The following DDHD1 variants were observed in gnomAD, a reference collection of about 807,000 sequenced individuals.
DDHD1 encodes phospholipase DDHD1.
A neutral mutation model predicts 96.4 loss-of-function variants in DDHD1; 49 were observed. That is an observed-to-expected ratio of 0.51 (90% CI 0.40 to 0.64). DDHD1 has a LOEUF of 0.64. Among genes scored for constraint, DDHD1 ranks in the 30% least tolerant of loss-of-function variants. DDHD1 has a pLI of 0.00. For missense variants in DDHD1, 1,106 were observed against 1,161.2 expected (o/e 0.95, Z 0.69); for synonymous variants, 442 against 446.5 (o/e 0.99, Z 0.13).
chr14:53,140,571 AC>A (rs1299687183), intron 1 of DDHD1, among the ~76,000 whole-genome samples: 1 of 152,196 alleles, frequency 6.6e-6, no homozygotes, highest in African/African-American at 2.4e-5. Context: ...GAGAACACAA[AC>A]CTAGACAAAT....
rs2139780660 is a variant in DDHD1, at chr14:53,038,880, C to G, written c.*7888G>C. 6.6e-6 allele frequency: 1 copy of G among 152,296 alleles called. No individual in the cohort carries two copies. Among genetic ancestry groups the G allele is most frequent in the South Asian group, 2.1e-4 (1 of 4,826 alleles). The allele number at this position is 152,296 out of a possible 1,614,324, so 9.4% of individuals were successfully genotyped here. On this transcript the variant is annotated 3_prime_UTR_variant, in exon 13 of 13. Coordinates refer to ENST00000673822, the MANE Select transcript of DDHD1 (RefSeq NM_001160148.2). The stretch of plus-strand genomic sequence containing the variant: ...CACAATAGAGAACACAGAAATAAAG[C>G]TGCACACCTACAGCCAATAGATCTT...
Position 53,072,656 on chromosome 14 carries a change from T to C in DDHD1, c.1444A>G (p.Met482Val), listed in dbSNP as rs1029025313. ...ATGTCCATTGCACTGCTGTTCAGCA[T>C]ATCCCTTAAACCTCGTACTTTGTCA... ...TPDKVRGLRD[M>V]LNSSAMDIMY... The change falls in exon 6 of 13, where the codon ATG becomes GTG. Residue 482 changes from methionine to valine, a missense_variant. Around this residue, in one of 2 missense-constraint regions of DDHD1, gnomAD observed 650 missense variants for 758.8 expected, o/e 0.86. Coordinates refer to ENST00000673822, the MANE Select transcript of DDHD1 (RefSeq NM_001160148.2). 6.2e-7 allele frequency: 1 copy of C among 1,611,020 alleles called. No homozygotes were observed. The highest frequency in any genetic ancestry group is 8.5e-7 in the Non-Finnish European group (1 of 1,177,978).
At chr14:53,099,853 T>C (rs1259066247) in intron 2 of DDHD1, among the ~76,000 whole-genome samples, 3 of 152,220 alleles carry the variant, frequency 2.0e-5, no homozygotes, top group Non-Finnish European at 4.4e-5. Flanking sequence ...GATTAAAGTA[T>C]CTAAATCACA....
chr14:53,145,515 A>G (rs1890921467), intron 1 of DDHD1, among the ~76,000 whole-genome samples: 1 of 151,764 alleles, frequency 6.6e-6, no homozygotes, highest in Non-Finnish European at 1.5e-5. Flanking sequence ...AAAAAAAAAA[A>G]AAAAAAAAAA....
chr14:53,083,607 A>C (rs1437250401), intron 4 of DDHD1, among the ~76,000 whole-genome samples: 1 of 152,334 alleles, frequency 6.6e-6, no homozygotes, highest in East Asian at 1.9e-4. Context: ...GGAATCTAAG[A>C]CATGATTTAA....
intron 1 of DDHD1, among the ~76,000 whole-genome samples, chr14:53,124,983 G>A (rs1162177176): frequency 6.6e-6 from 1 of 152,094 alleles, no homozygotes; most frequent in African/African-American, 2.4e-5. Context: ...GTGTGGGTGT[G>A]TGGGTGTGTC....
intron 6 of DDHD1, among the ~76,000 whole-genome samples, chr14:53,070,640 T>C (rs958474163): frequency 6.6e-6 from 1 of 152,182 alleles, no homozygotes; most frequent in Non-Finnish European, 1.5e-5. Flanking sequence ...CAAATCTATG[T>C]CATTTTACTA....
At chr14:53,130,785 G>A (rs766023700) in intron 1 of DDHD1, among the ~76,000 whole-genome samples, 6 of 152,166 alleles carry the variant, frequency 3.9e-5, no homozygotes, top group African/African-American at 1.4e-4. Context: ...CAACTTGCCC[G>A]GCAGCCACTC....
chr14:53,066,607 G>T (rs1312269116), intron 6 of DDHD1, among the ~76,000 whole-genome samples: 1 of 152,076 alleles, frequency 6.6e-6, no homozygotes, highest in Non-Finnish European at 1.5e-5. Context: ...ATTTATCCTA[G>T]AATATTGCCT....
At chr14:53,088,706 C>T (rs976439145) in intron 4 of DDHD1, among the ~76,000 whole-genome samples, 1 of 152,156 alleles carries the variant, frequency 6.6e-6, no homozygotes, top group Non-Finnish European at 1.5e-5. Context: ...AAAACCACAG[C>T]CAATATCATA....
At chr14:53,116,776 G>T (rs1471666910) in intron 1 of DDHD1, among the ~76,000 whole-genome samples, 1 of 152,152 alleles carries the variant, frequency 6.6e-6, no homozygotes, top group Non-Finnish European at 1.5e-5. Context: ...AAGCAAGAAA[G>T]ACAGAAAACC....
chr14:53,129,921 C>T (rs1193369409), intron 1 of DDHD1, among the ~76,000 whole-genome samples: 3 of 152,184 alleles, frequency 2.0e-5, no homozygotes, highest in Non-Finnish European at 4.4e-5. Flanking sequence ...GTCTGAGGTG[C>T]CCGACGTCCA....
At chr14:53,121,184 T>C (rs1173741667) in intron 1 of DDHD1, among the ~76,000 whole-genome samples, 1 of 152,044 alleles carries the variant, frequency 6.6e-6, no homozygotes, top group Non-Finnish European at 1.5e-5. Context: ...GAAAAAAAAG[T>C]TCATCATCAC....
rs561589350 is a variant in DDHD1, at chr14:53,079,655, G to A, written c.1290-5808C>T. ...TTTTAGTAATTTGAATCTTTTTCTC[G>A]TTTGGTCTAGTTAAAATGTTCTCAA... On this transcript the variant is annotated intron_variant, in intron 4 of 12. Transcript: ENST00000673822. Among the ~76,000 whole-genome samples, 37 of 151,820 alleles carry A rather than the reference G, an allele frequency of 2.4e-4. No individual in the cohort carries two copies. In the East Asian group the frequency reaches 4.2e-3, roughly 17 times the overall value.
At chr14:53,134,068 G>T (rs192711194) in intron 1 of DDHD1, among the ~76,000 whole-genome samples, 1 of 152,186 alleles carries the variant, frequency 6.6e-6, no homozygotes, top group East Asian at 1.9e-4. Context: ...AACCTTATGA[G>T]CCTAATACAT....
intron 5 of DDHD1, 90 bp downstream of exon 5, chr14:53,073,651 A>G: frequency 9.6e-7 from 1 of 1,046,130 alleles, no homozygotes; most frequent in South Asian, 1.5e-5. Flanking sequence ...TACATTCTCA[A>G]TTAACAAAAA....
chr14:53,124,863 A>G (rs1033591142), intron 1 of DDHD1, among the ~76,000 whole-genome samples: 3 of 152,212 alleles, frequency 2.0e-5, no homozygotes, highest in South Asian at 2.1e-4. Context: ...TCTAGATGCT[A>G]TAAGTCCAAG....
chr14:53,090,580 T>C (rs547954461), intron 4 of DDHD1, among the ~76,000 whole-genome samples: 1 of 152,326 alleles, frequency 6.6e-6, no homozygotes, highest in Admixed American at 6.5e-5. Context: ...TGTATGGACA[T>C]GGATGTCGCT....
At chr14:53,085,755 G>T (rs1420944905) in intron 4 of DDHD1, among the ~76,000 whole-genome samples, 1 of 152,102 alleles carries the variant, frequency 6.6e-6, no homozygotes, top group African/African-American at 2.4e-5. Context: ...CCAAAGGATC[G>T]CAGCTCCTCA....
Sources: allele counts gnomAD v4.1 joint callset (sites outside exome capture counted in the v4.1 genomes callset), GRCh38; gene constraint gnomAD v4.1.1; regional missense constraint gnomAD v4.1.1; transcripts MANE v1.5; gene names NCBI Gene and HGNC (gene_info 2026-07-23, HGNC 2026-07-21).